Variants in SOX6 observed in about 807,000 individuals in gnomAD.
SOX6 encodes SRY-box transcription factor 6.
Under a neutral mutation model 97.8 loss-of-function variants are expected in SOX6, and 11 were observed. The ratio of observed to expected loss-of-function variants is 0.11; its 90% CI spans 0.07 to 0.19. SOX6 has a LOEUF of 0.19. Among genes scored for constraint, SOX6 ranks in the 10% least tolerant of loss-of-function variants. The pLI, the probability that SOX6 is intolerant of heterozygous loss-of-function variation, is 1.00. For missense variants in SOX6, 810 were observed against 1,039.5 expected, an observed-to-expected ratio of 0.78 and a Z score of 3.04; for synonymous variants, 360 against 371.4, an observed-to-expected ratio of 0.97 and a Z score of 0.35.
intron 3 of SOX6, among the ~76,000 whole-genome samples, chr11:16,287,169 T>C (rs1854769806): frequency 6.6e-6 from 1 of 152,026 alleles, no homozygotes; most frequent in African/African-American, 2.4e-5. Flanking sequence ...AATAGTTTAT[T>C]TGATTAGGTA....
At chr11:16,097,581 T>A (rs764195444) in intron 8 of SOX6, 28 bp downstream of exon 8, 23 of 1,600,650 alleles carry the variant, frequency 1.4e-5, no homozygotes, top group Middle Eastern at 1.7e-4. Context: ...CTGGCTCATA[T>A]CCCACATTTT....
At chr11:16,296,900 A>G (rs1855110982) in intron 3 of SOX6, among the ~76,000 whole-genome samples, 1 of 152,166 alleles carries the variant, frequency 6.6e-6, no homozygotes, top group African/African-American at 2.4e-5. Flanking sequence ...GAGGATAAGA[A>G]AAAGAAAAGG....
intron 2 of SOX6, among the ~76,000 whole-genome samples, chr11:16,323,714 T>C (rs1024919218): frequency 6.6e-6 from 1 of 152,140 alleles, no homozygotes; most frequent in Non-Finnish European, 1.5e-5. Context: ...CATTTAATAA[T>C]ATACTGGAAT....
chr11:16,655,145 T>C (rs1479263107), intron 3 of SOX6, among the ~76,000 whole-genome samples: 1 of 152,148 alleles, frequency 6.6e-6, no homozygotes, highest in Non-Finnish European at 1.5e-5. Context: ...TCCAGGCACA[T>C]TGACGCTGGG....
intron 15 of SOX6, among the ~76,000 whole-genome samples, chr11:15,975,040 C>T (rs982456846): frequency 2.0e-5 from 3 of 152,192 alleles, no homozygotes; most frequent in African/African-American, 7.2e-5. Context: ...ACTAAGCTCA[C>T]TGTATATCAT....
chr11:16,119,098 A>G (rs1849425737), intron 6 of SOX6, among the ~76,000 whole-genome samples: 1 of 152,148 alleles, frequency 6.6e-6, no homozygotes, highest in Admixed American at 6.6e-5. Flanking sequence ...TCATTTTTGC[A>G]AAGAATAGCT....
At chr11:16,306,359 G>C (rs1171841410) in intron 3 of SOX6, among the ~76,000 whole-genome samples, 1 of 152,144 alleles carries the variant, frequency 6.6e-6, no homozygotes, top group African/African-American at 2.4e-5. Context: ...AAATGCAGTG[G>C]TGTACAGGTT....
rs188749884 is a variant in SOX6 at position 16,689,511 on chromosome 11, T to C, written n.429+25319A>G. 2.0e-5 allele frequency among the ~76,000 whole-genome samples: 3 copies of C among 152,304 alleles called. 1 individual carries two copies. The highest frequency in any genetic ancestry group is 4.1e-4 in the South Asian group (2 of 4,830). On this transcript the variant is annotated intron_variant and non_coding_transcript_variant, in intron 3 of 5. Coordinates refer to the SOX6 transcript ENST00000524520. ...TGTATATTTTATTTTTTCCTTCATA[T>C]ACTTAGGCAAGAAGGTAGACCCGAT...
intron 3 of SOX6, among the ~76,000 whole-genome samples, chr11:16,682,134 A>G (rs1470509244): frequency 6.6e-6 from 1 of 152,214 alleles, no homozygotes; most frequent in Non-Finnish European, 1.5e-5. Context: ...CATGCTGATA[A>G]CAAAGCCTGG....
intron 3 of SOX6, among the ~76,000 whole-genome samples, chr11:16,672,560 A>G (rs1419057634): frequency 6.6e-6 from 1 of 152,210 alleles, no homozygotes; most frequent in Non-Finnish European, 1.5e-5. Flanking sequence ...GAAACTGTGC[A>G]GGGAAACTCC....
chr11:16,096,866 A>G (rs1848810473), intron 8 of SOX6, among the ~76,000 whole-genome samples: 1 of 151,896 alleles, frequency 6.6e-6, no homozygotes, highest in South Asian at 2.1e-4. Flanking sequence ...GACTTATTTT[A>G]ATGATCTCAG....
chr11:16,525,891 A>C (rs1284578880), intron 4 of SOX6, among the ~76,000 whole-genome samples: 13,523 of 151,404 alleles, frequency 0.089, 765 homozygotes, highest in Non-Finnish European at 0.13. Flanking sequence ...AAATGCTCAT[A>C]ATCACTGGCC....
At position 15,972,271 on chromosome 11, in the gene SOX6, A is replaced by T; in HGVS notation, c.*538T>A. 1 of 153,386 alleles carries T rather than the reference A, an allele frequency of 6.5e-6. No homozygotes were observed. The allele number at this position is 153,386 out of a possible 1,614,324, so 9.5% of individuals were successfully genotyped here. On this transcript the variant is annotated 3_prime_UTR_variant, in exon 16 of 16. Transcript: ENST00000683767. ...TGGCACATTCAAAGTTTAACTCTAC[A>T]AATGGAAAATTGGAATTCCGAGGCC...
intron 3 of SOX6, among the ~76,000 whole-genome samples, chr11:16,679,142 G>A (rs1395262568): frequency 6.6e-5 from 10 of 152,218 alleles, no homozygotes; most frequent in Admixed American, 6.5e-4. Flanking sequence ...TCTGAGAGTG[G>A]ACGGACTGCC....
At chr11:16,398,873 G>A (rs1305864874) in intron 1 of SOX6, among the ~76,000 whole-genome samples, 2 of 150,710 alleles carry the variant, frequency 1.3e-5, no homozygotes, top group Admixed American at 6.6e-5. Flanking sequence ...GGAATGACTA[G>A]TAGACCAAGT....
At chr11:16,487,447 C>T (rs1860455258) in intron 4 of SOX6, among the ~76,000 whole-genome samples, 1 of 152,050 alleles carries the variant, frequency 6.6e-6, no homozygotes, top group South Asian at 2.1e-4. Flanking sequence ...AAGATAGATG[C>T]CATAGTTAGA....
chr11:16,737,714 A>G (rs1848403578), intron 1 of SOX6, among the ~76,000 whole-genome samples: 1 of 152,056 alleles, frequency 6.6e-6, no homozygotes. Flanking sequence ...GATCACTTGA[A>G]TCTGGAGAGA....
At chr11:16,140,420 A>C (rs930169782) in intron 6 of SOX6, among the ~76,000 whole-genome samples, 1 of 152,188 alleles carries the variant, frequency 6.6e-6, no homozygotes, top group Non-Finnish European at 1.5e-5. Context: ...TATATTGTAT[A>C]GTAGAAAGAT....
At chr11:16,521,312 T>A (rs1861054143) in intron 4 of SOX6, among the ~76,000 whole-genome samples, 1 of 152,100 alleles carries the variant, frequency 6.6e-6, no homozygotes, top group Admixed American at 6.6e-5. Flanking sequence ...ACAGCAGCAT[T>A]CGCGATTCAC....
Sources: gnomAD v4.1 joint callset for allele counts (sites outside exome capture counted in the v4.1 genomes callset) on GRCh38, gnomAD v4.1.1 for gene constraint, MANE v1.5 for transcripts, NCBI Gene and HGNC (gene_info 2026-07-23, HGNC 2026-07-21) for gene names.